Variants in HS3ST4 observed in about 807,000 individuals in gnomAD.
HS3ST4 encodes heparan sulfate glucosamine 3-O-sulfotransferase 4.
HS3ST4 carries 17 observed loss-of-function variants against 29.2 expected under a neutral mutation model. The ratio of observed to expected loss-of-function variants is 0.58; its 90% CI spans 0.40 to 0.87. The LOEUF is 0.87. Among genes scored for constraint, HS3ST4 ranks in the 40% least tolerant of loss-of-function variants. The pLI is 0.00. For missense variants in HS3ST4, 627 were observed against 634.5 expected, an observed-to-expected ratio of 0.99 and a Z score of 0.13; for synonymous variants, 314 against 285.7, an observed-to-expected ratio of 1.10 and a Z score of -1.00.
chr16:25,911,031 G>A (rs1968233531), intron 1 of HS3ST4, among the ~76,000 whole-genome samples: 1 of 152,096 alleles, frequency 6.6e-6, no homozygotes, highest in African/African-American at 2.4e-5. Flanking sequence ...TGGTAATATT[G>A]GACTCTTTGG....
At chr16:26,076,347 A>T (rs141482253) in intron 1 of HS3ST4, among the ~76,000 whole-genome samples, 92 of 152,314 alleles carry the variant, frequency 6.0e-4, no homozygotes, top group African/African-American at 2.1e-3. Flanking sequence ...GTTAAGCTAG[A>T]CTTGCTGTGC....
chr16:25,819,234 A>G (rs1333712349), intron 1 of HS3ST4, among the ~76,000 whole-genome samples: 1 of 152,158 alleles, frequency 6.6e-6, no homozygotes, highest in Non-Finnish European at 1.5e-5. Flanking sequence ...CATAACACAT[A>G]TAATATGTTA....
chr16:26,021,050 T>C (rs1041298934), intron 1 of HS3ST4, among the ~76,000 whole-genome samples: 5 of 152,224 alleles, frequency 3.3e-5, no homozygotes, highest in African/African-American at 1.2e-4. Flanking sequence ...TAAATGTGAT[T>C]GTTAATATTT....
intron 1 of HS3ST4, among the ~76,000 whole-genome samples, chr16:26,055,645 T>TA (rs892070689): frequency 5.3e-5 from 8 of 152,220 alleles, no homozygotes; most frequent in African/African-American, 1.9e-4. Context: ...CTTCTTATTT[T>TA]AAAATCTTCA....
intron 1 of HS3ST4, among the ~76,000 whole-genome samples, chr16:25,737,616 G>C (rs771088768): frequency 5.3e-5 from 8 of 152,058 alleles, no homozygotes; most frequent in Non-Finnish European, 1.0e-4. Context: ...AGGGGGGTGA[G>C]ATATTACTTA....
chr16:25,866,645 G>C (rs1018394278), intron 1 of HS3ST4, among the ~76,000 whole-genome samples: 1 of 151,954 alleles, frequency 6.6e-6, no homozygotes, highest in Non-Finnish European at 1.5e-5. Flanking sequence ...TCACACACAC[G>C]GTCTGTCATG....
chr16:25,841,385 A>G (rs1335786060), intron 1 of HS3ST4, among the ~76,000 whole-genome samples: 1 of 151,990 alleles, frequency 6.6e-6, no homozygotes, highest in Non-Finnish European at 1.5e-5. Context: ...TTGCAGCCTC[A>G]ACCTCCCCAG....
chr16:26,130,749 G>C (rs1899406680), intron 1 of HS3ST4, among the ~76,000 whole-genome samples: 1 of 152,320 alleles, frequency 6.6e-6, no homozygotes, highest in African/African-American at 2.4e-5. Flanking sequence ...GCAGAGGACA[G>C]TCGTGTCTTC....
chr16:25,703,473 C>T (rs545106942), intron 1 of HS3ST4, among the ~76,000 whole-genome samples: 7 of 152,352 alleles, frequency 4.6e-5, no homozygotes, highest in Admixed American at 2.0e-4. Flanking sequence ...AGGCACAGTG[C>T]TGGTAAGTCA....
Position 25,740,843 on chromosome 16 carries a change from T to C in HS3ST4, c.734+47692T>C, listed in dbSNP as rs1966646926. ...GCCCCTCAAAACTCACATTCCTAAT[T>C]ACTAAGTGGATGGAGTTCCCCTAAT... On this transcript the variant is annotated intron_variant, in intron 1 of 1. Transcript: ENST00000331351. Among the ~76,000 whole-genome samples the C allele has an allele frequency of 2.6e-5, 4 of 152,138 alleles. No individual in the cohort carries two copies. The South Asian group carries it at 8.3e-4, about 32-fold the overall frequency.
At chr16:25,984,225 T>C (rs1179803913) in intron 1 of HS3ST4, among the ~76,000 whole-genome samples, 4 of 152,164 alleles carry the variant, frequency 2.6e-5, no homozygotes, top group Non-Finnish European at 2.9e-5. Flanking sequence ...CCCAACCTTT[T>C]TGGAACCTGG....
chr16:25,920,212 T>C (rs1444440592), intron 1 of HS3ST4, among the ~76,000 whole-genome samples: 2 of 152,186 alleles, frequency 1.3e-5, no homozygotes. Context: ...TGCTCTCTCT[T>C]TCAACCCTTG....
At chr16:26,025,649 G>A (rs994200931) in intron 1 of HS3ST4, among the ~76,000 whole-genome samples, 3 of 152,336 alleles carry the variant, frequency 2.0e-5, no homozygotes, top group Middle Eastern at 3.4e-3. Flanking sequence ...AAAGGCTAGG[G>A]CAGGCTCCTA....
intron 1 of HS3ST4, among the ~76,000 whole-genome samples, chr16:26,074,284 T>A (rs2141778795): frequency 6.6e-6 from 1 of 152,308 alleles, no homozygotes. Context: ...GCTAAACCAT[T>A]CACAAACAAT....
intron 1 of HS3ST4, among the ~76,000 whole-genome samples, chr16:25,828,306 C>G (rs1366716503): frequency 7.4e-5 from 4 of 54,272 alleles, no homozygotes; most frequent in African/African-American, 3.6e-4. Context: ...CTTTCCCTCT[C>G]TCTCTCTCTC....
intron 1 of HS3ST4, among the ~76,000 whole-genome samples, chr16:25,751,639 A>G (rs1190669462): frequency 6.6e-6 from 1 of 152,152 alleles, no homozygotes; most frequent in Non-Finnish European, 1.5e-5. Context: ...CCTGCTTCAC[A>G]CTGTGCTAAA....
chr16:26,031,447 C>T (rs1326662142), intron 1 of HS3ST4, among the ~76,000 whole-genome samples: 1 of 152,104 alleles, frequency 6.6e-6, no homozygotes, highest in Non-Finnish European at 1.5e-5. Context: ...TCTAGGAGGA[C>T]ATTTGTATTC....
chr16:25,821,948 A>G (rs1346131363), intron 1 of HS3ST4, among the ~76,000 whole-genome samples: 2 of 152,196 alleles, frequency 1.3e-5, no homozygotes, highest in Admixed American at 6.5e-5. Flanking sequence ...GGAGCTTTGC[A>G]TATTTGAGAC....
At chr16:25,887,669 T>A (rs1179159928) in intron 1 of HS3ST4, among the ~76,000 whole-genome samples, 1 of 149,594 alleles carries the variant, frequency 6.7e-6, no homozygotes, top group Non-Finnish European at 1.5e-5. Context: ...GGGTGGAGCA[T>A]CCCTAGCGCC....
Sources: allele counts gnomAD v4.1 joint callset (sites outside exome capture counted in the v4.1 genomes callset), GRCh38; gene constraint gnomAD v4.1.1; transcripts MANE v1.5; gene names NCBI Gene and HGNC (gene_info 2026-07-23, HGNC 2026-07-21).